The following EYA4 variants were observed in gnomAD, a reference collection of about 807,000 sequenced individuals.
EYA4 encodes EYA transcriptional coactivator and phosphatase 4.
In EYA4, 31 loss-of-function variants were observed where a neutral mutation model predicts 87.9. The observed-to-expected ratio is 0.35, with a 90% CI of 0.27 to 0.48. EYA4 has a LOEUF of 0.48. Among genes scored for constraint, EYA4 ranks in the 20% least tolerant of loss-of-function variants. The pLI is 0.99. For missense variants in EYA4, 678 were observed against 761.4 expected, an observed-to-expected ratio of 0.89 and a Z score of 1.29; for synonymous variants, 263 against 270.6, an observed-to-expected ratio of 0.97 and a Z score of 0.28.
At chr6:133,435,355 A>G (rs1266753746) in intron 3 of EYA4, 1 of 152,304 alleles carries the variant, frequency 6.6e-6, no homozygotes, top group African/African-American at 2.4e-5. Flanking sequence ...TCACTGGCAC[A>G]TTTCAAGAAC....
intron 17 of EYA4, among the ~76,000 whole-genome samples, chr6:133,518,050 T>C (rs1799754360): frequency 6.6e-6 from 1 of 152,138 alleles, no homozygotes; most frequent in South Asian, 2.1e-4. Flanking sequence ...TCCTCTGTAA[T>C]TGGTGACAAG....
intron 1 of EYA4, among the ~76,000 whole-genome samples, chr6:133,243,045 G>T (rs1582718576): frequency 6.6e-6 from 1 of 151,746 alleles, no homozygotes; most frequent in Non-Finnish European, 1.5e-5. Flanking sequence ...AATAGCGCCC[G>T]GGCGTGTGTT....
intron 1 of EYA4, among the ~76,000 whole-genome samples, chr6:133,267,659 A>T (rs1776335001): frequency 6.6e-6 from 1 of 152,198 alleles, no homozygotes; most frequent in South Asian, 2.1e-4. Context: ...CTGGGATTAC[A>T]GGCATGAACC....
At chr6:133,480,434 GGACA>G (rs1406437769) in intron 11 of EYA4, among the ~76,000 whole-genome samples, 1 of 152,096 alleles carries the variant, frequency 6.6e-6, no homozygotes, top group African/African-American at 2.4e-5. Context: ...CAATAAGTGG[GGACA>G]GATATGCCGT....
chr6:133,322,678 G>A (rs1781183728), intron 2 of EYA4, among the ~76,000 whole-genome samples: 1 of 152,154 alleles, frequency 6.6e-6, no homozygotes, highest in Non-Finnish European at 1.5e-5. Context: ...AGGTAAAGTT[G>A]ATGGGCACAT....
chr6:133,243,872 G>A (rs1774190880), intron 1 of EYA4, among the ~76,000 whole-genome samples: 1 of 152,110 alleles, frequency 6.6e-6, no homozygotes, highest in Admixed American at 6.5e-5. Context: ...TGTTTTGTGT[G>A]GAGCAAGACT....
chr6:133,462,471 A>G lies in EYA4; in HGVS notation c.574A>G (p.Thr192Ala), dbSNP rs764456726. ...SQTGQPYSLP[T>A]YDLGVMLPAI... ...GACAGGACAGCCCTACAGCTTGCCCACTTACGGTATTTCACATCTTCTGTT... is the reference window on the plus strand; with the variant it reads ...GACAGGACAGCCCTACAGCTTGCCCGCTTACGGTATTTCACATCTTCTGTT... The change falls in exon 8 of 20, where the codon ACT (threonine) becomes GCT (alanine). Residue 192 changes from threonine (T) to alanine (A), a missense_variant. Thr to Ala is a moderately conservative substitution (Grantham distance 58). Coordinates refer to ENST00000355286, the MANE Select transcript of EYA4 (RefSeq NM_004100.5). 4 of 1,613,862 alleles carry G rather than the reference A, an allele frequency of 2.5e-6. No individual in the cohort carries two copies. The highest frequency in any genetic ancestry group is 1.1e-5 in the South Asian group (1 of 91,076).
chr6:133,350,490 C>A (rs1050362685), intron 2 of EYA4, among the ~76,000 whole-genome samples: 5 of 151,900 alleles, frequency 3.3e-5, no homozygotes, highest in African/African-American at 1.2e-4. Context: ...AGAAAGGCAA[C>A]CGTTCAAATA....
rs555886909 is a variant in EYA4, at chr6:133,391,871, C to T, written c.83+9430C>T. On this transcript the variant is annotated intron_variant, in intron 3 of 19. Coordinates refer to ENST00000355286, the MANE Select transcript of EYA4 (RefSeq NM_004100.5). Reference sequence around the variant, plus strand: ...CAGTTTTATCCAGCACCTACCCCTCCCTCATCCTTCACTTTATAATCCAGC... The same window carrying T: ...CAGTTTTATCCAGCACCTACCCCTCTCTCATCCTTCACTTTATAATCCAGC... 3.3e-5 allele frequency among the ~76,000 whole-genome samples: 5 copies of T among 152,248 alleles called. No homozygotes were observed. In the East Asian group the frequency reaches 9.7e-4, roughly 29 times the overall value.
chr6:133,494,587 C>G (rs1393043033), intron 13 of EYA4, among the ~76,000 whole-genome samples: 1 of 150,462 alleles, frequency 6.6e-6, no homozygotes, highest in Non-Finnish European at 1.5e-5. Context: ...GCCTGTAATC[C>G]TAACACTTTG....
At chr6:133,452,171 C>A (rs1355922684) in intron 5 of EYA4, among the ~76,000 whole-genome samples, 1 of 152,092 alleles carries the variant, frequency 6.6e-6, no homozygotes, top group Non-Finnish European at 1.5e-5. Flanking sequence ...TTGTAACTTT[C>A]CTGATCTAAC....
intron 13 of EYA4, among the ~76,000 whole-genome samples, chr6:133,505,341 G>C (rs1798505571): frequency 1.3e-5 from 2 of 152,106 alleles, no homozygotes; most frequent in Admixed American, 1.3e-4. Flanking sequence ...TCTTGCTGCT[G>C]TTTAATATCT....
chr6:133,305,127 A>AC (rs1453921437), intron 2 of EYA4, among the ~76,000 whole-genome samples: 1 of 152,060 alleles, frequency 6.6e-6, no homozygotes, highest in Admixed American at 6.6e-5. Context: ...AAATGCAAAG[A>AC]CCCCAAATTT....
At chr6:133,457,985 A>T (rs1288375261) in intron 6 of EYA4, among the ~76,000 whole-genome samples, 2 of 152,172 alleles carry the variant, frequency 1.3e-5, no homozygotes, top group Non-Finnish European at 2.9e-5. Flanking sequence ...GGTTAAGGCC[A>T]TACAGTCAAG....
chr6:133,329,958 C>G (rs186053079), intron 2 of EYA4, among the ~76,000 whole-genome samples: 25 of 152,032 alleles, frequency 1.6e-4, no homozygotes, highest in Admixed American at 1.4e-3. Flanking sequence ...TAGGAATGAA[C>G]AAGAGTTGTC....
At chr6:133,432,837 C>G (rs755434617) in intron 3 of EYA4, among the ~76,000 whole-genome samples, 1 of 152,040 alleles carries the variant, frequency 6.6e-6, no homozygotes, top group Non-Finnish European at 1.5e-5. Context: ...CATAAAGATA[C>G]AGAATGTCTT....
chr6:133,280,489 C>T (rs920046552), intron 2 of EYA4, among the ~76,000 whole-genome samples: 25 of 152,140 alleles, frequency 1.6e-4, no homozygotes, highest in Admixed American at 5.9e-4. Flanking sequence ...CTCCGACTCC[C>T]GGGTTCAAGT....
intron 19 of EYA4, among the ~76,000 whole-genome samples, chr6:133,527,982 A>G (rs1330809939): frequency 6.6e-6 from 1 of 152,054 alleles, no homozygotes; most frequent in East Asian, 1.9e-4. Flanking sequence ...TTAATGTCAC[A>G]TATGTACTGT....
rs1369966176 is a variant in EYA4, at chr6:133,502,945, A to G, written c.1192-3161A>G. Among the ~76,000 whole-genome samples the G allele has an allele frequency of 2.6e-5, 4 of 152,142 alleles. No homozygotes were observed. In the East Asian group the frequency reaches 7.7e-4, roughly 29 times the overall value. On this transcript the variant is annotated intron_variant, in intron 13 of 19. Transcript: ENST00000355286. The stretch of plus-strand genomic sequence containing the variant: ...CTAAACTTTCCCAGTTACAAATGAT[A>G]TTTTGCCAAAATGCTTACTAAGTCC...
Sources: gnomAD v4.1 joint callset for allele counts (sites outside exome capture counted in the v4.1 genomes callset) on GRCh38, gnomAD v4.1.1 for gene constraint, MANE v1.5 for transcripts, NCBI Gene and HGNC (gene_info 2026-07-23, HGNC 2026-07-21) for gene names.